Variants in UNC13C observed in about 807,000 individuals in gnomAD.
UNC13C encodes protein unc-13 homolog C.
A neutral mutation model predicts 245.4 loss-of-function variants in UNC13C; 174 were observed. The ratio of observed to expected loss-of-function variants is 0.71; its 90% confidence interval spans 0.63 to 0.80. The LOEUF is 0.80. UNC13C is among the 30% of genes least tolerant of loss of function. The probability of loss-of-function intolerance (pLI) is 0.00; values close to 1 mark genes in which losing one functional copy is unlikely to be tolerated. For missense variants in UNC13C, 2,829 were observed against 2,602.9 expected (o/e 1.09, Z -1.89); for synonymous variants, 992 against 895.1 (o/e 1.11, Z -1.93).
intron 2 of UNC13C, among the ~76,000 whole-genome samples, chr15:54,141,381 G>A (rs1411523295): frequency 6.6e-6 from 1 of 152,108 alleles, no homozygotes; most frequent in Non-Finnish European, 1.5e-5. Flanking sequence ...AGAAAGAAGT[G>A]AAAATTATGC....
At chr15:53,854,124 T>TTTTTTGTTTG in the UNC13C span, among the ~76,000 whole-genome samples, 4 of 144,566 alleles carry the variant, frequency 2.8e-5, no homozygotes, top group South Asian at 8.6e-4. Flanking sequence ...TTTTATAGGT[T>TTTTTTGTTTG]TTTTTTTTTT....
chr15:54,028,400 T>C (rs1595735678), intron 2 of UNC13C, among the ~76,000 whole-genome samples: 1 of 152,132 alleles, frequency 6.6e-6, no homozygotes, highest in African/African-American at 2.4e-5. Flanking sequence ...TCTATTTCTT[T>C]CCCCATCCCT....
intron 2 of UNC13C, chr15:54,050,508 A>G: frequency 2.0e-6 from 1 of 511,808 alleles, no homozygotes; most frequent in East Asian, 5.2e-5. Flanking sequence ...CACCTTCTCC[A>G]ATTGTAACTA....
chr15:54,366,774 C>T (rs2039374752), intron 17 of UNC13C, among the ~76,000 whole-genome samples: 1 of 152,084 alleles, frequency 6.6e-6, no homozygotes. Flanking sequence ...TTTGTTAATG[C>T]AGCGTTTTTC....
At chr15:53,860,544 T>G in the UNC13C span, among the ~76,000 whole-genome samples, 31 of 152,236 alleles carry the variant, frequency 2.0e-4, no homozygotes, top group Middle Eastern at 3.4e-3. Flanking sequence ...GAAATTTCCC[T>G]CTTAGAATGA....
chr15:54,085,123 C>T (rs543954775), intron 2 of UNC13C, among the ~76,000 whole-genome samples: 3 of 152,154 alleles, frequency 2.0e-5, no homozygotes, highest in African/African-American at 7.2e-5. Flanking sequence ...GAATAACCCT[C>T]CTTATGGAGG....
At chr15:54,211,365 C>T (rs553353531) in intron 4 of UNC13C, among the ~76,000 whole-genome samples, 1 of 151,962 alleles carries the variant, frequency 6.6e-6, no homozygotes, top group African/African-American at 2.4e-5. Context: ...ATAGGAGTTC[C>T]TTACTGGGAT....
At chr15:53,885,296 G>T in the UNC13C span, among the ~76,000 whole-genome samples, 1 of 152,180 alleles carries the variant, frequency 6.6e-6, no homozygotes, top group Admixed American at 6.5e-5. Flanking sequence ...TCCCTAAGGT[G>T]GGGCATAAAA....
At chr15:54,319,303 A>G (rs2038088896) in intron 13 of UNC13C, among the ~76,000 whole-genome samples, 1 of 151,794 alleles carries the variant, frequency 6.6e-6, no homozygotes, top group Admixed American at 6.6e-5. Context: ...GAAAAAAAAA[A>G]AAAAGAAATG....
At chr15:54,472,638 T>C (rs1348839677) in intron 19 of UNC13C, among the ~76,000 whole-genome samples, 1 of 151,862 alleles carries the variant, frequency 6.6e-6, no homozygotes, top group Admixed American at 6.6e-5. Flanking sequence ...CTTCCTTTTT[T>C]CTGAAAAACA....
chr15:54,422,023 T>C (rs2040654784), intron 19 of UNC13C, among the ~76,000 whole-genome samples: 1 of 152,048 alleles, frequency 6.6e-6, no homozygotes, highest in Non-Finnish European at 1.5e-5. Context: ...GCATGTCCAT[T>C]AGACATCTCT....
chr15:54,419,108 C>G (rs2040582254), intron 19 of UNC13C, among the ~76,000 whole-genome samples: 1 of 152,162 alleles, frequency 6.6e-6, no homozygotes. Context: ...ACATCTAAGA[C>G]TGTTTGTAAT....
At chr15:53,915,590 A>G in the UNC13C span, among the ~76,000 whole-genome samples, 3 of 152,242 alleles carry the variant, frequency 2.0e-5, no homozygotes, top group African/African-American at 7.2e-5. Flanking sequence ...CAAATGGCAA[A>G]TAGGCAAAAT....
the UNC13C span, among the ~76,000 whole-genome samples, chr15:53,865,642 A>G: frequency 6.6e-6 from 1 of 152,168 alleles, no homozygotes; most frequent in African/African-American, 2.4e-5. Flanking sequence ...AGCCCATAAC[A>G]GTGACATGAG....
chr15:53,953,671 C>A, the UNC13C span, among the ~76,000 whole-genome samples: 1 of 152,348 alleles, frequency 6.6e-6, no homozygotes, highest in South Asian at 2.1e-4. Flanking sequence ...GCATGTCCAA[C>A]AGCCTTTGTT....
At position 54,092,072 on chromosome 15, in the gene UNC13C, G is replaced by T. The variant is rs372865111; in HGVS notation, c.2984-50946G>T. ...TCCCCTCTCTTAGGAGCAGAGGATT[G>T]TTACTATCTTCTTAATTTTATTCTC... On this transcript the variant is annotated intron_variant, in intron 2 of 32. Transcript: ENST00000260323. Among the ~76,000 whole-genome samples the T allele has an allele frequency of 6.1e-4, 93 of 152,262 alleles. 3 individuals carry two copies. In the South Asian group the frequency reaches 8.7e-3, roughly 14 times the overall value.
rs151036797 is a variant in UNC13C at position 54,562,607 on chromosome 15, G to T, written c.5959-5193G>T. Among the ~76,000 whole-genome samples the T allele has an allele frequency of 1.8e-3, 270 of 152,110 alleles. 3 individuals carry two copies. Among genetic ancestry groups the T allele is most frequent in the Middle Eastern group, 0.017 (5 of 294 alleles). ...ATTATTGGAAATTTTTGATGAATGT[G>T]TCAAAGAAAAATCTGCTCTCCTGCT... On this transcript the variant is annotated intron_variant, in intron 29 of 32. Coordinates refer to ENST00000260323, the MANE Select transcript of UNC13C (RefSeq NM_001080534.3).
chr15:54,553,689 G>A (rs1896971028), intron 28 of UNC13C, among the ~76,000 whole-genome samples: 1 of 150,816 alleles, frequency 6.6e-6, no homozygotes, highest in South Asian at 2.1e-4. Context: ...CTCATTGCTG[G>A]CCTCTTTCAG....
chr15:54,472,887 G>A (rs1431265856), intron 19 of UNC13C, among the ~76,000 whole-genome samples: 4 of 151,816 alleles, frequency 2.6e-5, no homozygotes, highest in African/African-American at 9.7e-5. Flanking sequence ...TATTTGGGGA[G>A]TCGGACATGT....
Sources: gnomAD v4.1 joint callset for allele counts (sites outside exome capture counted in the v4.1 genomes callset) on GRCh38, gnomAD v4.1.1 for gene constraint, MANE v1.5 for transcripts, NCBI Gene and HGNC (gene_info 2026-07-23, HGNC 2026-07-21) for gene names.